The following SGIP1 variants were observed in gnomAD, a reference collection of about 807,000 sequenced individuals.
The protein encoded by SGIP1 is SH3GL interacting endocytic adaptor 1, also known as SH3-containing GRB2-like protein 3-interacting protein 1.
In SGIP1, 38 loss-of-function variants were observed where a neutral mutation model predicts 107.5. The ratio of observed to expected loss-of-function variants is 0.35; its 90% confidence interval spans 0.27 to 0.46. The LOEUF (loss-of-function observed/expected upper bound fraction) is 0.46. Among genes scored for constraint, SGIP1 ranks in the 20% least tolerant of loss-of-function variants. SGIP1 has a pLI of 1.00. For missense variants in SGIP1, 929 were observed against 1,019.5 expected (o/e 0.91, Z 1.21); for synonymous variants, 365 against 366.1 (o/e 1.00, Z 0.03).
chr1:66,697,630 T>A (rs1440822504), intron 18 of SGIP1, among the ~76,000 whole-genome samples: 1 of 152,186 alleles, frequency 6.6e-6, no homozygotes, highest in Non-Finnish European at 1.5e-5. Context: ...AAAAATGATG[T>A]CTTGCTATCT....
At chr1:66,539,123 G>C (rs534717244) in intron 1 of SGIP1, among the ~76,000 whole-genome samples, 1 of 152,152 alleles carries the variant, frequency 6.6e-6, no homozygotes. Flanking sequence ...AATTTGCTGA[G>C]ATAATTCTAA....
At chr1:66,679,400 G>C (rs1051042770) in intron 13 of SGIP1, among the ~76,000 whole-genome samples, 3 of 152,100 alleles carry the variant, frequency 2.0e-5, no homozygotes, top group Admixed American at 1.3e-4. Context: ...GCTGCTTGAG[G>C]TTTGTGTGTT....
chr1:66,682,255 A>G lies in SGIP1; in HGVS notation c.1201A>G (p.Lys401Glu), dbSNP rs1481776260. The stretch of plus-strand genomic sequence containing the variant: ...TTACTTAGAAACAATCTCATCTCCT[A>G]AAGATTTTGGGTTGGGACAAAGAGC... Reference protein sequence around the residue: ...DDYLETISSPKDFGLGQRATP... With the variant: ...DDYLETISSPEDFGLGQRATP... Residue 401 changes from lysine (K) to glutamate (E), a missense_variant, in exon 15 of 25, where the codon AAA (lysine) becomes GAA (glutamate). Coordinates refer to ENST00000371037, the MANE Select transcript of SGIP1 (RefSeq NM_032291.4). 1 of 1,614,166 alleles carries G rather than the reference A, an allele frequency of 6.2e-7. No individual in the cohort carries two copies. Among genetic ancestry groups the G allele is most frequent in the Non-Finnish European group, 8.5e-7 (1 of 1,180,020 alleles).
At position 66,571,024 on chromosome 1, in the gene SGIP1, G is replaced by A. The variant is rs1255861945; in HGVS notation, c.10+36656G>A. Among the ~76,000 whole-genome samples, 4 of 151,936 alleles carry A rather than the reference G, an allele frequency of 2.6e-5. No homozygotes were observed. In the East Asian group the frequency reaches 7.7e-4, roughly 29 times the overall value. ...TAAATCTTAGTGTAACTGTGAGTGGGTCAACCAGATAAGTGCCTCCCAATG... is the reference window on the plus strand; with the variant it reads ...TAAATCTTAGTGTAACTGTGAGTGGATCAACCAGATAAGTGCCTCCCAATG... On this transcript the variant is annotated intron_variant, in intron 1 of 24. Transcript: ENST00000371037.
At chr1:66,718,799 G>C (rs1274722037) in intron 18 of SGIP1, among the ~76,000 whole-genome samples, 2 of 152,052 alleles carry the variant, frequency 1.3e-5, no homozygotes, top group African/African-American at 4.8e-5. Flanking sequence ...CTTGATCTGA[G>C]AGTAACTGGG....
At chr1:66,684,583 G>C (rs1278098936) in intron 15 of SGIP1, among the ~76,000 whole-genome samples, 1 of 152,150 alleles carries the variant, frequency 6.6e-6, no homozygotes, top group Non-Finnish European at 1.5e-5. Context: ...TCTCCTAAAA[G>C]GACATTTAAA....
intron 1 of SGIP1, among the ~76,000 whole-genome samples, chr1:66,561,294 A>G (rs1009491179): frequency 2.6e-5 from 4 of 152,092 alleles, no homozygotes; most frequent in African/African-American, 9.6e-5. Context: ...TCAGTCAAGT[A>G]GACTCTCACA....
chr1:66,659,818 G>A (rs971430074), intron 7 of SGIP1, among the ~76,000 whole-genome samples: 1 of 151,198 alleles, frequency 6.6e-6, no homozygotes, highest in African/African-American at 2.4e-5. Flanking sequence ...GCTGAGGTGG[G>A]AGGATCTCTT....
At chr1:66,534,856 T>C (rs1295539026) in intron 1 of SGIP1, among the ~76,000 whole-genome samples, 1 of 152,248 alleles carries the variant, frequency 6.6e-6, no homozygotes, top group Non-Finnish European at 1.5e-5. Context: ...CTCTGCAGTT[T>C]ACATCATATT....
At chr1:66,585,026 T>C (rs2062396036) in intron 1 of SGIP1, among the ~76,000 whole-genome samples, 1 of 152,254 alleles carries the variant, frequency 6.6e-6, no homozygotes. Flanking sequence ...GCAACATTTC[T>C]ACCTGGAAGT....
chr1:66,613,226 A>G (rs1175765617), intron 1 of SGIP1, among the ~76,000 whole-genome samples: 1 of 152,184 alleles, frequency 6.6e-6, no homozygotes, highest in African/African-American at 2.4e-5. Flanking sequence ...GACATTGCTG[A>G]TAGGGAAAAA....
chr1:66,692,069 G>A (rs548717765), intron 17 of SGIP1, among the ~76,000 whole-genome samples: 15 of 150,996 alleles, frequency 9.9e-5, no homozygotes, highest in African/African-American at 3.2e-4. Flanking sequence ...TGAGGCAGGA[G>A]AATCCCTTGA....
chr1:66,672,926 G>C (rs576300643), intron 11 of SGIP1, among the ~76,000 whole-genome samples: 1 of 152,070 alleles, frequency 6.6e-6, no homozygotes, highest in East Asian at 1.9e-4. Flanking sequence ...GAGATCTTAG[G>C]GGAGAAAGGT....
At chr1:66,738,250 T>G (rs2094335058) in intron 21 of SGIP1, among the ~76,000 whole-genome samples, 1 of 152,220 alleles carries the variant, frequency 6.6e-6, no homozygotes, top group African/African-American at 2.4e-5. Flanking sequence ...TAACCACTCC[T>G]GCCTTGAGAG....
intron 12 of SGIP1, among the ~76,000 whole-genome samples, chr1:66,673,963 G>A (rs985539036): frequency 2.6e-5 from 4 of 151,402 alleles, no homozygotes; most frequent in Admixed American, 6.6e-5. Flanking sequence ...CCAGGAGTTC[G>A]AGACCAGCCT....
At chr1:66,620,419 A>T (rs1415958027) in intron 1 of SGIP1, among the ~76,000 whole-genome samples, 6 of 152,194 alleles carry the variant, frequency 3.9e-5, no homozygotes, top group Non-Finnish European at 8.8e-5. Flanking sequence ...GGTAATTTAT[A>T]AAGAAAGGAG....
Position 66,538,600 on chromosome 1 carries a change from G to A in SGIP1, c.10+4232G>A, listed in dbSNP as rs934874040. On this transcript the variant is annotated intron_variant, in intron 1 of 24. Coordinates refer to ENST00000371037, the MANE Select transcript of SGIP1 (RefSeq NM_032291.4). The stretch of plus-strand genomic sequence containing the variant: ...CATGTTTCAAATAAACAAGGTACAG[G>A]AAGTTACCAACTCACAATTTTTATG... Among the ~76,000 whole-genome samples, 147 of 152,270 alleles carry A rather than the reference G, an allele frequency of 9.7e-4. 1 individual carries two copies. The highest frequency in any genetic ancestry group is 1.1e-3 in the Non-Finnish European group (75 of 68,000).
intron 5 of SGIP1, among the ~76,000 whole-genome samples, chr1:66,642,234 C>A (rs1324835443): frequency 1.3e-5 from 2 of 152,088 alleles, no homozygotes; most frequent in Non-Finnish European, 2.9e-5. Flanking sequence ...CTTGCTGTTG[C>A]CCCTCTGTTT....
chr1:66,652,680 GC>G (rs2078993983), intron 7 of SGIP1, among the ~76,000 whole-genome samples: 1 of 150,296 alleles, frequency 6.7e-6, no homozygotes, highest in South Asian at 2.1e-4. Context: ...TGAATTTGCC[GC>G]TGCTTGGTAA....
Sources: allele counts gnomAD v4.1 joint callset (sites outside exome capture counted in the v4.1 genomes callset), GRCh38; gene constraint gnomAD v4.1.1; transcripts MANE v1.5; gene names NCBI Gene and HGNC (gene_info 2026-07-23, HGNC 2026-07-21).